The following DYNAP variants were observed in gnomAD, a reference collection of about 807,000 sequenced individuals.
DYNAP encodes the protein dynactin associated protein.
Under a neutral mutation model 8.5 loss-of-function variants are expected in DYNAP, and 7 were observed. The ratio of observed to expected loss-of-function variants is 0.82; its 90% CI spans 0.47 to 1.54. The LOEUF (loss-of-function observed/expected upper bound fraction) is 1.54, where lower values mean the gene tolerates loss of function less well. DYNAP is among the 40% of genes most tolerant of loss of function. DYNAP has a pLI of 0.01. For synonymous variants in DYNAP, 77 were observed against 77.9 expected, an observed-to-expected ratio of 0.99 and a Z score of 0.06; for missense variants, 256 against 224.3, an observed-to-expected ratio of 1.14 and a Z score of -0.90.
At chr18:54,576,829 CA>C in the DYNAP span, among the ~76,000 whole-genome samples, 5 of 151,874 alleles carry the variant, frequency 3.3e-5, no homozygotes, top group African/African-American at 1.2e-4. Context: ...ACAACAACAA[CA>C]ACAACAACAC....
chr18:54,589,546 A>G (rs891013616), upstream of DYNAP, among the ~76,000 whole-genome samples: 1 of 152,234 alleles, frequency 6.6e-6, no homozygotes, highest in Admixed American at 6.5e-5. Context: ...TTATGTTACT[A>G]TTCCTTTTGA....
chr18:54,577,938 T>C, the DYNAP span, among the ~76,000 whole-genome samples: 22 of 138,054 alleles, frequency 1.6e-4, no homozygotes, highest in African/African-American at 4.2e-4. Context: ...CACTCCAGCC[T>C]GGGTGACAGA....
At chr18:54,576,195 G>T in the DYNAP span, among the ~76,000 whole-genome samples, 1 of 152,086 alleles carries the variant, frequency 6.6e-6, no homozygotes, top group Non-Finnish European at 1.5e-5. Context: ...ACAAATAAAG[G>T]TGTCTAAATA....
the DYNAP span, among the ~76,000 whole-genome samples, chr18:54,576,220 T>C: frequency 4.6e-5 from 7 of 152,234 alleles, no homozygotes; most frequent in African/African-American, 1.7e-4. Flanking sequence ...TATGCATGTC[T>C]GTTTTGGACA....
intron 1 of DYNAP, among the ~76,000 whole-genome samples, chr18:54,593,964 T>G (rs2051357190): frequency 6.6e-6 from 1 of 151,828 alleles, no homozygotes; most frequent in Non-Finnish European, 1.5e-5. Flanking sequence ...AACAAAAAAC[T>G]TTTCCACAAG....
At chr18:54,597,541 T>C (rs951017833) in intron 2 of DYNAP, among the ~76,000 whole-genome samples, 3 of 152,160 alleles carry the variant, frequency 2.0e-5, no homozygotes, top group Admixed American at 6.6e-5. Context: ...AACCTAAAAC[T>C]GCTCTGAAAA....
Position 54,598,526 on chromosome 18 carries a change from C to A in DYNAP, c.*381C>A. On this transcript the variant is annotated 3_prime_UTR_variant, in exon 3 of 3. Transcript: ENST00000648945. ...ATCTGAGGACTAAGCTCTGATTTTT[C>A]ATCTTGCCCAAATTCCTTTCTAAGG... 1 of 180,838 alleles carries A rather than the reference C, an allele frequency of 5.5e-6. No individual in the cohort carries two copies. The highest frequency in any genetic ancestry group is 1.2e-5 in the Non-Finnish European group (1 of 85,028). The allele number at this position is 180,838 out of a possible 1,614,324, so 11.2% of individuals were successfully genotyped here.
At chr18:54,596,073 TA>T (rs1337614550) in intron 2 of DYNAP, among the ~76,000 whole-genome samples, 2 of 152,010 alleles carry the variant, frequency 1.3e-5, no homozygotes, top group Non-Finnish European at 2.9e-5. Flanking sequence ...TTTTATTTTT[TA>T]TTTTTTTGTT....
At chr18:54,580,667 A>G in the DYNAP span, among the ~76,000 whole-genome samples, 2 of 152,174 alleles carry the variant, frequency 1.3e-5, no homozygotes, top group African/African-American at 2.4e-5. Flanking sequence ...CTATTTCCAT[A>G]GCTACTCGTA....
intron 2 of DYNAP, among the ~76,000 whole-genome samples, chr18:54,595,338 T>C (rs1403427483): frequency 2.0e-5 from 3 of 152,066 alleles, no homozygotes; most frequent in African/African-American, 7.2e-5. Context: ...GACTCAAACA[T>C]CTATAATAGA....
At chr18:54,584,325 A>G (rs1175167526), upstream of DYNAP, among the ~76,000 whole-genome samples, 1 of 149,696 alleles carries the variant, frequency 6.7e-6, no homozygotes, top group Non-Finnish European at 1.5e-5. Context: ...ATGCCTAAGA[A>G]TGCATATTCA....
At chr18:54,578,871 C>G in the DYNAP span, among the ~76,000 whole-genome samples, 190 of 152,178 alleles carry the variant, frequency 1.2e-3, 1 homozygote, top group African/African-American at 4.2e-3. Context: ...ACAATCTTGG[C>G]TCACTGCAAC....
At chr18:54,583,700 A>G (rs1037590877), upstream of DYNAP, among the ~76,000 whole-genome samples, 2 of 152,188 alleles carry the variant, frequency 1.3e-5, no homozygotes, top group Non-Finnish European at 2.9e-5. Flanking sequence ...AATTAGTACT[A>G]TATTTAAATA....
In DYNAP at chr18:54,593,685, G is replaced by A. The variant is rs147940077; in HGVS notation, c.58-1254G>A. Among the ~76,000 whole-genome samples the A allele has an allele frequency of 8.5e-3, 1,290 of 152,076 alleles. 9 individuals are homozygous for A. The highest frequency in any genetic ancestry group is 0.014 in the Non-Finnish European group (974 of 68,000). The stretch of plus-strand genomic sequence containing the variant: ...CATACTTACAATGCCAGCACCTTGG[G>A]AGGGCAGAGCCAGAGGAGTGCTTGA... On this transcript the variant is annotated intron_variant, in intron 1 of 2. Coordinates refer to ENST00000648945, the MANE Select transcript of DYNAP (RefSeq NM_173629.3).
Position 54,595,105 on chromosome 18 carries a change from T to G in DYNAP, c.222+2T>G. 5.6e-6 allele frequency: 9 copies of G among 1,610,488 alleles called. No individual in the cohort carries two copies. The highest frequency in any genetic ancestry group is 7.6e-6 in the Non-Finnish European group (9 of 1,177,968). Reference sequence around the variant, plus strand: ...CAGTCAGAATCCTGTAACACACAGGTAATGTGTAGCACGGGAGCTTTTATT... The same window carrying G: ...CAGTCAGAATCCTGTAACACACAGGGAATGTGTAGCACGGGAGCTTTTATT... On this transcript the variant is annotated splice_donor_variant, in intron 2 of 2. Coordinates refer to ENST00000648945, the MANE Select transcript of DYNAP (RefSeq NM_173629.3). LOFTEE classifies it high-confidence loss of function.
Position 54,599,279 on chromosome 18 carries a change from A to T in DYNAP, c.*1134A>T, listed in dbSNP as rs1368081174. 1 of 152,070 alleles carries T rather than the reference A, an allele frequency of 6.6e-6. No homozygotes were observed. The highest frequency in any genetic ancestry group is 1.5e-5 in the Non-Finnish European group (1 of 67,982). 9.4% of individuals were successfully genotyped at this position (152,070 alleles called of 1,614,324 possible). A position where few individuals can be genotyped will look rare whatever the true frequency, so the allele number is the denominator to read the frequency against. ...TGTCAACACATCCGAACCTGCAACTACAAATGCCACCATTACCACTTAAAA... is the reference window on the plus strand; with the variant it reads ...TGTCAACACATCCGAACCTGCAACTTCAAATGCCACCATTACCACTTAAAA... On this transcript the variant is annotated 3_prime_UTR_variant, in exon 3 of 3. Coordinates refer to ENST00000648945, the MANE Select transcript of DYNAP (RefSeq NM_173629.3).
chr18:54,585,904 C>G (rs1256835320), upstream of DYNAP, among the ~76,000 whole-genome samples: 3 of 152,202 alleles, frequency 2.0e-5, no homozygotes, highest in African/African-American at 7.2e-5. Flanking sequence ...AACTCTGAGA[C>G]TGCTTGGTTT....
chr18:54,593,035 A>G (rs1015681891), intron 1 of DYNAP, among the ~76,000 whole-genome samples: 1 of 152,212 alleles, frequency 6.6e-6, no homozygotes, highest in Admixed American at 6.6e-5. Flanking sequence ...AGATAAATTC[A>G]ACTTATTCAA....
At chr18:54,587,869 A>T (rs1568239749), upstream of DYNAP, 3 of 400,710 alleles carry the variant, frequency 7.5e-6, no homozygotes, top group Non-Finnish European at 1.3e-5. Context: ...ACTTCTAGGT[A>T]AGTCATGAAT....
Sources: allele counts gnomAD v4.1 joint callset (sites outside exome capture counted in the v4.1 genomes callset), GRCh38; gene constraint gnomAD v4.1.1; transcripts MANE v1.5; gene names NCBI Gene and HGNC (gene_info 2026-07-23, HGNC 2026-07-21).